The following AP1S3 variants were observed in gnomAD, a reference collection of about 807,000 sequenced individuals.
AP1S3 encodes the protein AP-1 complex subunit sigma-3.
Under a neutral mutation model 20.9 loss-of-function variants are expected in AP1S3, and 10 were observed. The observed-to-expected ratio is 0.48, with a 90% CI of 0.29 to 0.81. The LOEUF (loss-of-function observed/expected upper bound fraction) is 0.81. Ranked by LOEUF, AP1S3 falls within the 30% of genes least tolerant of loss-of-function variation. AP1S3 has a pLI of 0.08. For synonymous variants in AP1S3, 41 were observed against 61.5 expected, an observed-to-expected ratio of 0.67 and a Z score of 1.56; for missense variants, 154 against 183.8, an observed-to-expected ratio of 0.84 and a Z score of 0.94.
chr2:223,804,001 T>A (rs773040649), intron 1 of AP1S3, among the ~76,000 whole-genome samples: 4 of 152,282 alleles, frequency 2.6e-5, no homozygotes, highest in Non-Finnish European at 5.9e-5. Flanking sequence ...AAGGATGACT[T>A]TATTCAAACT....
chr2:223,815,323 C>G (rs1019730148), intron 1 of AP1S3, among the ~76,000 whole-genome samples: 3 of 152,190 alleles, frequency 2.0e-5, no homozygotes, highest in African/African-American at 7.2e-5. Flanking sequence ...GAGAGGCAGA[C>G]TTTGAAGGAG....
chr2:223,776,919 A>G (rs1690797097), intron 2 of AP1S3, among the ~76,000 whole-genome samples: 1 of 152,216 alleles, frequency 6.6e-6, no homozygotes, highest in African/African-American at 2.4e-5. Context: ...TTCAAGTAAC[A>G]GGCATAATAA....
At chr2:223,828,013 C>G (rs1160592936) in intron 1 of AP1S3, among the ~76,000 whole-genome samples, 1 of 128,188 alleles carries the variant, frequency 7.8e-6, no homozygotes, top group Admixed American at 8.8e-5. Context: ...GAGCCAAGAT[C>G]GTGTCATTGC....
intron 1 of AP1S3, among the ~76,000 whole-genome samples, chr2:223,814,607 G>T (rs556229245): frequency 6.6e-6 from 1 of 151,970 alleles, no homozygotes; most frequent in East Asian, 1.9e-4. Flanking sequence ...ATTCTCACTG[G>T]TCACATGAAC....
intron 3 of AP1S3, among the ~76,000 whole-genome samples, chr2:223,770,530 A>ACACACACACACACC (rs529875245): frequency 6.7e-6 from 1 of 148,938 alleles, no homozygotes; most frequent in South Asian, 2.1e-4. Context: ...ACACACACAC[A>ACACACACACACACC]CCCCTTGATA....
At chr2:223,810,750 T>C (rs953548743) in intron 1 of AP1S3, among the ~76,000 whole-genome samples, 3 of 150,304 alleles carry the variant, frequency 2.0e-5, no homozygotes, top group Admixed American at 2.0e-4. Context: ...AAAAAAAAAA[T>C]ACTATGCAGA....
intron 1 of AP1S3, among the ~76,000 whole-genome samples, chr2:223,813,883 G>A (rs891660546): frequency 2.6e-5 from 4 of 152,114 alleles, no homozygotes; most frequent in African/African-American, 9.7e-5. Flanking sequence ...AGACAGAGAC[G>A]TCCTTTATAC....
At chr2:223,807,976 A>G (rs1380728897) in intron 1 of AP1S3, among the ~76,000 whole-genome samples, 3 of 133,054 alleles carry the variant, frequency 2.3e-5, no homozygotes, top group Non-Finnish European at 4.6e-5. Context: ...TGCAACCTCC[A>G]CCTCCCGGAT....
intron 1 of AP1S3, among the ~76,000 whole-genome samples, chr2:223,832,135 CTGTGTGTGTGTGTGTGTGTGTGTGTG>C (rs774812162): frequency 1.4e-5 from 1 of 70,738 alleles, no homozygotes; most frequent in Non-Finnish European, 3.5e-5. Flanking sequence ...AGTTTTCTCT[CTGTGTGTGTGTGTGTGTGTGTGTGTG>C]TGTGTGTGTG....
intron 1 of AP1S3, among the ~76,000 whole-genome samples, chr2:223,819,527 G>C (rs1023086718): frequency 2.0e-5 from 3 of 151,596 alleles, no homozygotes; most frequent in Non-Finnish European, 4.4e-5. Flanking sequence ...CTGGCAGTTG[G>C]CAATAAAATT....
At chr2:223,773,400 A>G (rs1690679649) in intron 3 of AP1S3, 3 of 1,293,756 alleles carry the variant, frequency 2.3e-6, no homozygotes, top group Non-Finnish European at 3.1e-6. Flanking sequence ...ATTCATTTGA[A>G]TAGTAGAAAG....
chr2:223,788,762 TAAA>T (rs778744960), intron 1 of AP1S3, among the ~76,000 whole-genome samples: 4 of 110,134 alleles, frequency 3.6e-5, no homozygotes, highest in East Asian at 2.4e-4. Context: ...AGACTCTGTC[TAAA>T]AAAAAAAAAA....
intron 1 of AP1S3, among the ~76,000 whole-genome samples, chr2:223,798,780 T>C (rs980890710): frequency 6.6e-6 from 1 of 152,178 alleles, no homozygotes. Context: ...TATTTGGACA[T>C]AGATGTTGCA....
intron 1 of AP1S3, among the ~76,000 whole-genome samples, chr2:223,822,707 T>C (rs1344171712): frequency 6.6e-6 from 1 of 151,528 alleles, no homozygotes; most frequent in Non-Finnish European, 1.5e-5. Context: ...AAAGTAAAAA[T>C]AAAAGTACAA....
intron 1 of AP1S3, among the ~76,000 whole-genome samples, chr2:223,788,779 A>AAAAG (rs1691136552): frequency 1.4e-5 from 2 of 146,352 alleles, no homozygotes; most frequent in Admixed American, 7.0e-5. Context: ...AAAAAAAAAA[A>AAAAG]AAGAAGAAGA....
rs1000195470 is a variant in AP1S3 at position 223,758,038 on chromosome 2, T to C, written c.*677A>G. 2 of 978,792 alleles carry C rather than the reference T, an allele frequency of 2.0e-6. No homozygotes were observed. Among genetic ancestry groups the C allele is most frequent in the Non-Finnish European group, 2.4e-6 (2 of 823,948 alleles). 60.6% of individuals were successfully genotyped at this position (978,792 alleles called of 1,614,324 possible). On this transcript the variant is annotated 3_prime_UTR_variant, in exon 5 of 5. Transcript: ENST00000396654. ...AACCTTATTGGAATGTCCCTTATAT[T>C]CAATTAAAAGATAAATTAAAACCTC...
At chr2:223,808,667 A>G (rs1219931702) in intron 1 of AP1S3, among the ~76,000 whole-genome samples, 5 of 152,348 alleles carry the variant, frequency 3.3e-5, no homozygotes, top group Non-Finnish European at 5.9e-5. Context: ...CCTTATAAAT[A>G]CTCAGTTTCC....
intron 4 of AP1S3, 59 bp from the exon 5 acceptor site, chr2:223,758,809 T>G: frequency 7.0e-7 from 1 of 1,419,302 alleles, no homozygotes. Flanking sequence ...TTCCGCAGAC[T>G]GTGAAATCTT....
chr2:223,817,499 T>C (rs1374239767), intron 1 of AP1S3, among the ~76,000 whole-genome samples: 1 of 144,962 alleles, frequency 6.9e-6, no homozygotes, highest in East Asian at 2.2e-4. Context: ...TCCCAACTAC[T>C]CGGGAGGCTG....
Sources: allele counts gnomAD v4.1 joint callset (sites outside exome capture counted in the v4.1 genomes callset), GRCh38; gene constraint gnomAD v4.1.1; transcripts MANE v1.5; gene names NCBI Gene and HGNC (gene_info 2026-07-23, HGNC 2026-07-21).